CNTNAP2: variants seen among roughly 807,000 people sequenced by gnomAD.
CNTNAP2 encodes the protein contactin-associated protein-like 2.
Under a neutral mutation model 155.2 loss-of-function variants are expected in CNTNAP2, and 98 were observed. The ratio of observed to expected loss-of-function variants is 0.63; its 90% CI spans 0.54 to 0.75. CNTNAP2 has a LOEUF of 0.75. CNTNAP2 is among the 30% of genes least tolerant of loss of function. The probability of loss-of-function intolerance (pLI) is 0.00; values close to 1 mark genes in which losing one functional copy is unlikely to be tolerated. For missense variants in CNTNAP2, 1,727 were observed against 1,688.1 expected (o/e 1.02, Z -0.40); for synonymous variants, 651 against 631.2 (o/e 1.03, Z -0.47).
chr7:146,970,326 C>A (rs144410612), intron 3 of CNTNAP2, among the ~76,000 whole-genome samples: 55,098 of 150,948 alleles, frequency 0.37, 10,556 homozygotes, highest in Middle Eastern at 0.42. Context: ...CAAAGGGCTA[C>A]TATCCAGAAT....
At chr7:146,361,781 T>C (rs1479959397) in intron 1 of CNTNAP2, among the ~76,000 whole-genome samples, 1 of 143,686 alleles carries the variant, frequency 7.0e-6, no homozygotes, top group East Asian at 2.1e-4. Flanking sequence ...ATTGAAGACA[T>C]AAATGTCGGT....
chr7:146,841,982 A>G (rs1429925413), intron 3 of CNTNAP2, among the ~76,000 whole-genome samples: 1 of 151,748 alleles, frequency 6.6e-6, no homozygotes, highest in African/African-American at 2.4e-5. Flanking sequence ...TCCTGGATTC[A>G]AGCCATTCTC....
intron 12 of CNTNAP2, among the ~76,000 whole-genome samples, chr7:147,596,891 GTCGTC>G (rs1800835435): frequency 6.6e-6 from 1 of 152,144 alleles, no homozygotes; most frequent in Admixed American, 6.5e-5. Context: ...GTGACCTCTA[GTCGTC>G]TTCATTGCTA....
intron 15 of CNTNAP2, among the ~76,000 whole-genome samples, chr7:148,075,142 T>TA (rs905331001): frequency 1.3e-5 from 2 of 151,618 alleles, no homozygotes; most frequent in East Asian, 1.9e-4. Context: ...TGTTTCAGTA[T>TA]AAAAAAAAAT....
At chr7:146,893,566 A>T (rs1412793947) in intron 3 of CNTNAP2, among the ~76,000 whole-genome samples, 1 of 151,994 alleles carries the variant, frequency 6.6e-6, no homozygotes, top group East Asian at 1.9e-4. Context: ...TGTACAGGTT[A>T]AGAAAAAGAT....
intron 1 of CNTNAP2, among the ~76,000 whole-genome samples, chr7:146,318,879 A>C (rs1300937689): frequency 6.6e-6 from 1 of 152,178 alleles, no homozygotes; most frequent in Non-Finnish European, 1.5e-5. Flanking sequence ...GCAATACATA[A>C]TATGTATGTA....
chr7:146,613,561 A>C (rs1298527216), intron 1 of CNTNAP2, among the ~76,000 whole-genome samples: 1 of 151,904 alleles, frequency 6.6e-6, no homozygotes, highest in African/African-American at 2.4e-5. Flanking sequence ...CGAAAGAGTA[A>C]AAAAAGATAA....
Position 146,673,455 on chromosome 7 carries a change from T to G in CNTNAP2, c.98-100816T>G, listed in dbSNP as rs145282103. On this transcript the variant is annotated intron_variant, in intron 1 of 23. Coordinates refer to ENST00000361727, the MANE Select transcript of CNTNAP2 (RefSeq NM_014141.6). ...AGTTTAGCCTAAAGATGCTGTCTTA[T>G]GTGTTTTAAGTTTGGCCTAAAGGTT... 4.9e-4 allele frequency among the ~76,000 whole-genome samples: 74 copies of G among 152,324 alleles called. 1 individual carries two copies. In the East Asian group the frequency reaches 0.014, roughly 28 times the overall value.
At chr7:147,942,926 A>G (rs1013051015) in intron 14 of CNTNAP2, among the ~76,000 whole-genome samples, 1 of 151,920 alleles carries the variant, frequency 6.6e-6, no homozygotes, top group Non-Finnish European at 1.5e-5. Flanking sequence ...AGTCCCAGCT[A>G]CTCGGGAGGC....
chr7:146,152,827 G>A (rs1244025897), intron 1 of CNTNAP2, among the ~76,000 whole-genome samples: 1 of 151,994 alleles, frequency 6.6e-6, no homozygotes. Context: ...TGTTCCTGTT[G>A]AGGACCTTAT....
chr7:146,688,532 G>A (rs1255027428), intron 1 of CNTNAP2, among the ~76,000 whole-genome samples: 1 of 152,064 alleles, frequency 6.6e-6, no homozygotes, highest in Admixed American at 6.6e-5. Context: ...GTGGGCAGGG[G>A]CAGGGGTCAC....
chr7:148,410,565 C>CAAAAAAAAAAAAAAAAAAAAAAA (rs56258191), intron 23 of CNTNAP2, among the ~76,000 whole-genome samples: 1 of 112,872 alleles, frequency 8.9e-6, no homozygotes, highest in Non-Finnish European at 1.7e-5. Flanking sequence ...AGACCTTTCT[C>CAAAAAAAAAAAAAAAAAAAAAAA]AAAAAAAAAA....
At chr7:146,946,987 C>T (rs530836635) in intron 3 of CNTNAP2, among the ~76,000 whole-genome samples, 1 of 152,158 alleles carries the variant, frequency 6.6e-6, no homozygotes, top group East Asian at 1.9e-4. Context: ...CTTTCATTGT[C>T]ATTTCTTATG....
At position 148,418,558 on chromosome 7, in the gene CNTNAP2, G is replaced by T. The variant is rs1800045352; in HGVS notation, c.*2942G>T. 6.6e-6 allele frequency: 1 copy of T among 152,148 alleles called. No individual in the cohort carries two copies. Among genetic ancestry groups the T allele is most frequent in the Non-Finnish European group, 1.5e-5 (1 of 68,020 alleles). The allele number at this position is 152,148 out of a possible 1,614,324, so 9.4% of individuals were successfully genotyped here. ...ATGTCGATGTTTTGAAAAAAGCTAG[G>T]AGATGACTTTGAATGAATGCAAGGT... On this transcript the variant is annotated 3_prime_UTR_variant, in exon 24 of 24. Coordinates refer to ENST00000361727, the MANE Select transcript of CNTNAP2 (RefSeq NM_014141.6).
At chr7:146,868,857 A>T (rs751738033) in intron 3 of CNTNAP2, among the ~76,000 whole-genome samples, 1 of 149,956 alleles carries the variant, frequency 6.7e-6, no homozygotes, top group Non-Finnish European at 1.5e-5. Flanking sequence ...ATTTTTGTGC[A>T]TTGATTATGT....
At chr7:147,482,501 G>A (rs1318279878) in intron 10 of CNTNAP2, among the ~76,000 whole-genome samples, 1 of 150,580 alleles carries the variant, frequency 6.6e-6, no homozygotes, top group Non-Finnish European at 1.5e-5. Flanking sequence ...GGTGGATCAC[G>A]AGGTCAGGAG....
chr7:146,464,189 T>TTTG (rs1420028861), intron 1 of CNTNAP2, among the ~76,000 whole-genome samples: 1 of 58,176 alleles, frequency 1.7e-5, no homozygotes, highest in Non-Finnish European at 2.8e-5. Context: ...TTGAAACTGT[T>TTTG]TTTTTTTTTT....
chr7:146,866,312 A>G (rs1355412284), intron 3 of CNTNAP2, among the ~76,000 whole-genome samples: 1 of 152,066 alleles, frequency 6.6e-6, no homozygotes, highest in African/African-American at 2.4e-5. Flanking sequence ...ATAATAAAAT[A>G]TTTATCTCAT....
At chr7:146,249,962 T>C (rs1435976737) in intron 1 of CNTNAP2, among the ~76,000 whole-genome samples, 2 of 152,214 alleles carry the variant, frequency 1.3e-5, no homozygotes, top group African/African-American at 4.8e-5. Flanking sequence ...TTCTCTTCAT[T>C]GTTTAGAAAG....
Sources: gnomAD v4.1 joint callset for allele counts (sites outside exome capture counted in the v4.1 genomes callset) on GRCh38, gnomAD v4.1.1 for gene constraint, MANE v1.5 for transcripts, NCBI Gene and HGNC (gene_info 2026-07-23, HGNC 2026-07-21) for gene names.